Variants in CEACAM18 observed in about 807,000 individuals in gnomAD.
The protein encoded by CEACAM18 is cell adhesion molecule CEACAM18.
A neutral mutation model predicts 34.3 loss-of-function variants in CEACAM18; 33 were observed. That is an observed-to-expected ratio of 0.96 (90% CI 0.73 to 1.29). The LOEUF (loss-of-function observed/expected upper bound fraction) is 1.29. CEACAM18 is among the 50% of genes most tolerant of loss of function. The pLI, the probability that CEACAM18 is intolerant of heterozygous loss-of-function variation, is 0.00. For synonymous variants in CEACAM18, 169 were observed against 180.9 expected (o/e 0.93, Z 0.53); for missense variants, 474 against 485.0 (o/e 0.98, Z 0.21).
At chr19:51,480,803 T>G in intron 2 of CEACAM18, 123 bp downstream of exon 2, 1 of 877,094 alleles carries the variant, frequency 1.1e-6, no homozygotes, top group Non-Finnish European at 1.7e-6. Flanking sequence ...CCTGGAATCT[T>G]GTGTACCATG....
In CEACAM18 at chr19:51,480,422, G is replaced by A. The variant is rs775191087; in HGVS notation, c.142G>A (p.Ala48Thr). 14 of 1,613,302 alleles carry A rather than the reference G, an allele frequency of 8.7e-6. No homozygotes were observed. The East Asian group carries it at 3.1e-4, about 36-fold the overall frequency. Residue 48 changes from alanine to threonine, a missense_variant, in exon 2 of 6, where the codon GCC becomes ACC. Coordinates refer to ENST00000396477, the Ensembl canonical transcript of CEACAM18. Reference sequence around the variant, plus strand: ...GATCAAGGGATATCGGACTGTCGTGGCCCTGGATAAGGTCCCTGAGGATGT... The same window carrying A: ...GATCAAGGGATATCGGACTGTCGTGACCCTGGATAAGGTCCCTGAGGATGT...
chr19:51,482,975 G>T lies in CEACAM18; in HGVS notation c.674-42G>T, dbSNP rs757627109. 3 of 1,599,584 alleles carry T rather than the reference G, an allele frequency of 1.9e-6. No homozygotes were observed. The South Asian group carries it at 3.3e-5, about 18-fold the overall frequency. On this transcript the variant is annotated intron_variant, in intron 3 of 5. Transcript: ENST00000396477. ...GGACTTCATGAGACGGGACGCCGAG[G>T]GGTCAGAAACATAGCCTGGGCCTCC...
At position 51,480,380 on chromosome 19, in the gene CEACAM18, A is replaced by G. The variant is rs1473054303; in HGVS notation, c.100A>G (p.Ile34Val). 9 of 1,612,574 alleles carry G rather than the reference A, an allele frequency of 5.6e-6. 1 individual carries two copies. The highest frequency in any genetic ancestry group is 7.6e-6 in the Non-Finnish European group (9 of 1,179,356). ...CTGCCAGGCCTCTGGCCAAATCTTCATCACCCAAACCCTGGGGATCAAGGG... is the reference window on the plus strand; with the variant it reads ...CTGCCAGGCCTCTGGCCAAATCTTCGTCACCCAAACCCTGGGGATCAAGGG... The change falls in exon 2 of 6, where the codon ATC becomes GTC. Residue 34 changes from isoleucine to valine, a missense_variant. Ile to Val is a conservative substitution (Grantham distance 29). Transcript: ENST00000396477.
intron 5 of CEACAM18, among the ~76,000 whole-genome samples, chr19:51,487,976 A>G (rs1168307342): frequency 2.0e-5 from 3 of 152,214 alleles, no homozygotes; most frequent in African/African-American, 7.2e-5. Flanking sequence ...GTCATTGCCA[A>G]AAGTTCTACC....
At chr19:51,491,169 C>A (rs763162041), downstream of CEACAM18, among the ~76,000 whole-genome samples, 3 of 151,994 alleles carry the variant, frequency 2.0e-5, no homozygotes, top group Non-Finnish European at 4.4e-5. Flanking sequence ...ACCGTGGAAC[C>A]ATCGTCAGCA....
chr19:51,490,842 GGC>G (rs1990080195), exon 6 of CEACAM18: 1 of 389,656 alleles, frequency 2.6e-6, no homozygotes, highest in African/African-American at 2.1e-5. Flanking sequence ...TGGGTAGCGT[GGC>G]CATTGGGCGC....
chr19:51,487,965 C>A (rs772884475), intron 5 of CEACAM18, among the ~76,000 whole-genome samples: 1 of 152,144 alleles, frequency 6.6e-6, no homozygotes, highest in Non-Finnish European at 1.5e-5. Flanking sequence ...TAGACCATTT[C>A]GTCATTGCCA....
intron 1 of CEACAM18, among the ~76,000 whole-genome samples, chr19:51,478,962 A>G (rs1423209527): frequency 6.6e-6 from 1 of 151,726 alleles, no homozygotes; most frequent in African/African-American, 2.4e-5. Context: ...ATGCACACAC[A>G]CACACGCGCG....
intron 5 of CEACAM18, among the ~76,000 whole-genome samples, chr19:51,487,610 C>CA (rs1234608036): frequency 3.3e-5 from 5 of 152,078 alleles, no homozygotes; most frequent in African/African-American, 1.2e-4. Context: ...ACTAAAAATA[C>CA]AAAAAATTAG....
intron 3 of CEACAM18, among the ~76,000 whole-genome samples, chr19:51,482,264 G>A (rs747951944): frequency 7.2e-5 from 11 of 152,038 alleles, no homozygotes; most frequent in Admixed American, 2.6e-4. Flanking sequence ...AATCGAATAC[G>A]CTGAACTTAT....
intron 2 of CEACAM18, among the ~76,000 whole-genome samples, chr19:51,481,104 G>A (rs1246270171): frequency 6.6e-6 from 1 of 152,148 alleles, no homozygotes; most frequent in African/African-American, 2.4e-5. Context: ...CCTGGATGAG[G>A]GTCCTGGTTT....
intron 5 of CEACAM18, 83 bp from the exon 6 acceptor site, chr19:51,490,504 C>A: frequency 8.6e-7 from 1 of 1,169,066 alleles, no homozygotes; most frequent in Non-Finnish European, 1.1e-6. Context: ...GGAAGTCGGG[C>A]CCCTTCACCT....
exon 6 of CEACAM18, chr19:51,490,675 T>TG (rs1990075150): frequency 8.3e-7 from 1 of 1,211,352 alleles, no homozygotes; most frequent in Non-Finnish European, 1.0e-6. Flanking sequence ...GGAGAAGGGC[T>TG]GGGGGTCCCC....
intron 1 of CEACAM18, among the ~76,000 whole-genome samples, chr19:51,478,942 G>GCACACA (rs1568522541): frequency 2.0e-5 from 2 of 98,496 alleles, no homozygotes; most frequent in Non-Finnish European, 4.5e-5. Flanking sequence ...ACACACACAC[G>GCACACA]CACACGCACA....
At chr19:51,482,063 A>G (rs1435681005) in intron 3 of CEACAM18, among the ~76,000 whole-genome samples, 1 of 152,172 alleles carries the variant, frequency 6.6e-6, no homozygotes, top group Non-Finnish European at 1.5e-5. Context: ...CTTTTCTACT[A>G]AATTTAGTAT....
chr19:51,478,876 C>A (rs531397899), intron 1 of CEACAM18, among the ~76,000 whole-genome samples, 182 bp downstream of exon 1: 79 of 152,068 alleles, frequency 5.2e-4, no homozygotes, highest in Non-Finnish European at 9.6e-4. Context: ...AGCTCACACA[C>A]GTGGGCACAC....
exon 2 of CEACAM18, chr19:51,480,591 C>T (rs536161134): frequency 1.2e-6 from 2 of 1,613,868 alleles, no homozygotes; most frequent in Non-Finnish European, 1.7e-6. Context: ...TTGATCAGGC[C>T]GACTGCATTA....
chr19:51,478,915 C>T (rs1203845151), intron 1 of CEACAM18, among the ~76,000 whole-genome samples: 2 of 151,926 alleles, frequency 1.3e-5, no homozygotes, highest in Admixed American at 1.3e-4. Context: ...CCTGCACAGA[C>T]CCACACATGT....
chr19:51,490,023 C>G (rs1344549833), intron 5 of CEACAM18, among the ~76,000 whole-genome samples: 1 of 152,146 alleles, frequency 6.6e-6, no homozygotes, highest in Non-Finnish European at 1.5e-5. Flanking sequence ...TCTCTATGGT[C>G]TGGGGCCTCC....
Sources: gnomAD v4.1 joint callset for allele counts (sites outside exome capture counted in the v4.1 genomes callset) on GRCh38, gnomAD v4.1.1 for gene constraint, MANE v1.5 for transcripts, NCBI Gene and HGNC (gene_info 2026-07-23, HGNC 2026-07-21) for gene names.